The following HIVEP1 variants were observed in gnomAD, a reference collection of about 807,000 sequenced individuals.
The protein encoded by HIVEP1 is HIVEP zinc finger 1, also known as zinc finger protein 40.
In HIVEP1, 36 loss-of-function variants were observed where a neutral mutation model predicts 180.0. The ratio of observed to expected loss-of-function variants is 0.20; its 90% CI spans 0.15 to 0.26. The LOEUF (loss-of-function observed/expected upper bound fraction) is 0.26, where lower values mean the gene tolerates loss of function less well. Ranked by LOEUF, HIVEP1 falls within the 10% of genes least tolerant of loss-of-function variation. The pLI is 1.00. For missense variants in HIVEP1, 3,143 were observed against 3,268.7 expected (o/e 0.96, Z 0.94); for synonymous variants, 1,239 against 1,239.0 (o/e 1.00, Z 0.00).
chr6:12,013,797 T>C (rs1767554226), intron 1 of HIVEP1, among the ~76,000 whole-genome samples: 3 of 147,450 alleles, frequency 2.0e-5, no homozygotes, highest in Admixed American at 6.8e-5. Context: ...CTTAGCACAA[T>C]GCTAGATGAA....
At chr6:12,016,076 T>A (rs1231973822) in intron 2 of HIVEP1, among the ~76,000 whole-genome samples, 1 of 152,214 alleles carries the variant, frequency 6.6e-6, no homozygotes, top group Non-Finnish European at 1.5e-5. Context: ...TTTGTACCAC[T>A]CCATCAGTTA....
chr6:12,158,608 C>T (rs997187259), intron 7 of HIVEP1, among the ~76,000 whole-genome samples: 1 of 152,096 alleles, frequency 6.6e-6, no homozygotes, highest in East Asian at 1.9e-4. Context: ...CGTACCTGCA[C>T]CATTTTCTTA....
chr6:12,043,058 C>T (rs1046882905), intron 2 of HIVEP1, among the ~76,000 whole-genome samples: 1 of 152,166 alleles, frequency 6.6e-6, no homozygotes, highest in Non-Finnish European at 1.5e-5. Context: ...CTGATATATA[C>T]TTTGACTCCT....
At chr6:12,037,700 T>C in intron 2 of HIVEP1, 2 of 403,666 alleles carry the variant, frequency 5.0e-6, no homozygotes, top group Non-Finnish European at 4.4e-6. Flanking sequence ...TAATTCTGTT[T>C]ATTGTTTTTT....
the HIVEP1 span, among the ~76,000 whole-genome samples, chr6:12,202,132 A>T: frequency 3.3e-5 from 5 of 152,142 alleles, no homozygotes; most frequent in Non-Finnish European, 7.4e-5. Flanking sequence ...ATTCTATCAT[A>T]GACTCTTTTC....
intron 1 of HIVEP1, 67 bp downstream of exon 1, chr6:12,012,633 G>GGA (rs1296923350): frequency 1.4e-5 from 2 of 146,062 alleles, no homozygotes; most frequent in African/African-American, 5.0e-5. Context: ...GGGGGGGGGG[G>GGA]GCAGGAGCAC....
the HIVEP1 span, among the ~76,000 whole-genome samples, chr6:12,198,886 C>T: frequency 6.6e-6 from 1 of 152,120 alleles, no homozygotes; most frequent in Non-Finnish European, 1.5e-5. Flanking sequence ...AATATCTGGG[C>T]CTAGTTGACA....
intron 6 of HIVEP1, among the ~76,000 whole-genome samples, chr6:12,135,507 A>C (rs1758652830): frequency 6.6e-6 from 1 of 152,226 alleles, no homozygotes; most frequent in South Asian, 2.1e-4. Context: ...AGTATGTATA[A>C]AATGTCCCAA....
intron 7 of HIVEP1, among the ~76,000 whole-genome samples, chr6:12,158,424 G>A (rs1054953432): frequency 5.9e-5 from 9 of 152,146 alleles, no homozygotes; most frequent in Non-Finnish European, 7.4e-5. Flanking sequence ...TTCAGTTCTA[G>A]TTTTAGGTCT....
intron 7 of HIVEP1, 34 bp downstream of exon 7, chr6:12,135,926 A>G (rs756263441): frequency 4.3e-6 from 6 of 1,394,620 alleles, no homozygotes; most frequent in Non-Finnish European, 5.1e-6. Flanking sequence ...CATAAATGCT[A>G]TTTATAATGT....
At chr6:12,175,848 G>C in the HIVEP1 span, among the ~76,000 whole-genome samples, 16 of 152,152 alleles carry the variant, frequency 1.1e-4, no homozygotes, top group African/African-American at 3.4e-4. Context: ...CCATCCAGAA[G>C]GGAGGGTACG....
intron 2 of HIVEP1, among the ~76,000 whole-genome samples, chr6:12,044,819 A>C (rs1770022154): frequency 1.3e-5 from 2 of 152,210 alleles, no homozygotes; most frequent in South Asian, 4.1e-4. Context: ...AAGCCAGCGC[A>C]CCTGTGTACA....
At chr6:12,195,307 C>G in the HIVEP1 span, among the ~76,000 whole-genome samples, 2 of 152,084 alleles carry the variant, frequency 1.3e-5, no homozygotes, top group Non-Finnish European at 2.9e-5. Flanking sequence ...AGAGTAAGTG[C>G]TCAATAAATA....
chr6:12,199,880 G>A, the HIVEP1 span, among the ~76,000 whole-genome samples: 2 of 152,180 alleles, frequency 1.3e-5, no homozygotes, highest in African/African-American at 4.8e-5. Flanking sequence ...ACCATTCCCA[G>A]GAAGCTGGGT....
chr6:12,140,802 GAA>G (rs1234076826), intron 7 of HIVEP1, among the ~76,000 whole-genome samples: 5 of 152,166 alleles, frequency 3.3e-5, no homozygotes, highest in African/African-American at 4.8e-5. Flanking sequence ...AATAAAGCGA[GAA>G]GAGAAGGTTA....
intron 3 of HIVEP1, among the ~76,000 whole-genome samples, chr6:12,117,898 T>G (rs1036359893): frequency 1.3e-5 from 2 of 152,326 alleles, no homozygotes; most frequent in Admixed American, 1.3e-4. Context: ...TCAGCCCAGG[T>G]TGATGAGCAT....
intron 7 of HIVEP1, among the ~76,000 whole-genome samples, chr6:12,138,193 G>A (rs1303554426): frequency 1.3e-5 from 2 of 152,100 alleles, no homozygotes; most frequent in Admixed American, 6.6e-5. Flanking sequence ...TTTGTATGTA[G>A]ATACCTAGAT....
intron 2 of HIVEP1, among the ~76,000 whole-genome samples, chr6:12,029,221 A>T (rs369907963): frequency 6.6e-6 from 1 of 152,176 alleles, no homozygotes; most frequent in Non-Finnish European, 1.5e-5. Flanking sequence ...CTGGCCATTA[A>T]CACCTATTTT....
chr6:12,089,133 CTTATT>C, intron 2 of HIVEP1, 46 bp from the exon 3 acceptor site: 1 of 1,021,440 alleles, frequency 9.8e-7, no homozygotes, highest in Non-Finnish European at 1.5e-6. Context: ...TTACTGTACT[CTTATT>C]TGTTTAAGGT....
Sources: gnomAD v4.1 joint callset for allele counts (sites outside exome capture counted in the v4.1 genomes callset) on GRCh38, gnomAD v4.1.1 for gene constraint, MANE v1.5 for transcripts, NCBI Gene and HGNC (gene_info 2026-07-23, HGNC 2026-07-21) for gene names.